The following THOC5 variants were observed in gnomAD, a reference collection of about 807,000 sequenced individuals.
THOC5 encodes THO complex subunit 5.
Under a neutral mutation model 92.9 loss-of-function variants are expected in THOC5, and 43 were observed. The observed-to-expected ratio is 0.46, with a 90% CI of 0.36 to 0.60. The LOEUF (loss-of-function observed/expected upper bound fraction) is 0.60. Among genes scored for constraint, THOC5 ranks in the 20% least tolerant of loss-of-function variants. The pLI is 0.00. For missense variants in THOC5, 659 were observed against 849.4 expected, an observed-to-expected ratio of 0.78 and a Z score of 2.79; for synonymous variants, 296 against 320.1, an observed-to-expected ratio of 0.92 and a Z score of 0.80.
intron 8 of THOC5, chr22:29,531,232 G>C (rs1215365403): frequency 9.7e-7 from 1 of 1,028,254 alleles, no homozygotes; most frequent in Non-Finnish European, 1.2e-6. Flanking sequence ...CACTGGTGCG[G>C]TGTATGTCTG....
At chr22:29,513,718 C>G (rs2063274197) in intron 17 of THOC5, among the ~76,000 whole-genome samples, 1 of 151,310 alleles carries the variant, frequency 6.6e-6, no homozygotes, top group Non-Finnish European at 1.5e-5. Flanking sequence ...TGCTTTCTGG[C>G]CAGGCGTCGT....
In THOC5 at chr22:29,529,376, C is replaced by T. The variant is rs1243250819; in HGVS notation, c.848-137G>A. ...GACTAAGGGTGGAAGGGCAAAAGTC[C>T]TTGCTCCAGATGAAGGGAAACAAGG... On this transcript the variant is annotated intron_variant, in intron 8 of 19. Transcript: ENST00000490103. 25 of 829,396 alleles carry T rather than the reference C, an allele frequency of 3.0e-5. No homozygotes were observed. The East Asian group carries it at 5.0e-4, about 17-fold the overall frequency. 51.4% of individuals were successfully genotyped at this position (829,396 alleles called of 1,614,324 possible).
chr22:29,533,648 G>GA (rs2063698699), intron 7 of THOC5, among the ~76,000 whole-genome samples: 1 of 152,110 alleles, frequency 6.6e-6, no homozygotes, highest in Non-Finnish European at 1.5e-5. Flanking sequence ...GAAGACCTGG[G>GA]AAAAAACTCA....
rs530151779 is a variant in THOC5, at chr22:29,544,355, T to C, written c.240+105A>G. The C allele has an allele frequency of 6.3e-6, 8 of 1,272,050 alleles. No individual in the cohort carries two copies. In the East Asian group the frequency reaches 2.1e-4, roughly 33 times the overall value. 78.8% of individuals were successfully genotyped at this position (1,272,050 alleles called of 1,614,324 possible). A position where few individuals can be genotyped will look rare whatever the true frequency, so the allele number is the denominator to read the frequency against. Reference sequence around the variant, plus strand: ...CCCTCAGGCTCCAATCACCTGATCATGGCTAGGACAGAAGATCAAGATCAG... The same window carrying C: ...CCCTCAGGCTCCAATCACCTGATCACGGCTAGGACAGAAGATCAAGATCAG... On this transcript the variant is annotated intron_variant, in intron 3 of 19. Transcript: ENST00000490103.
intron 8 of THOC5, among the ~76,000 whole-genome samples, chr22:29,530,450 G>A (rs1236150087): frequency 1.3e-5 from 2 of 151,770 alleles, no homozygotes; most frequent in African/African-American, 4.8e-5. Flanking sequence ...AACCTGGGAA[G>A]CAGAGGTTGC....
At chr22:29,549,782 C>T (rs2064104633) in intron 1 of THOC5, among the ~76,000 whole-genome samples, 1 of 152,092 alleles carries the variant, frequency 6.6e-6, no homozygotes, top group African/African-American at 2.4e-5. Flanking sequence ...AACCTCTGCT[C>T]CTAGCTGCAA....
intron 2 of THOC5, among the ~76,000 whole-genome samples, chr22:29,546,484 C>T (rs1029005334): frequency 1.3e-5 from 2 of 151,992 alleles, no homozygotes; most frequent in African/African-American, 4.8e-5. Context: ...GGCTGGAGTG[C>T]AGTGGCATGA....
chr22:29,544,826 A>T (rs1255996321), intron 2 of THOC5, among the ~76,000 whole-genome samples: 1 of 152,214 alleles, frequency 6.6e-6, no homozygotes, highest in Non-Finnish European at 1.5e-5. Flanking sequence ...GGTATCAAAG[A>T]TTCAGAATAT....
In THOC5 at chr22:29,519,010, G is replaced by C. The variant is rs777816229; in HGVS notation, c.1485C>G (p.Ser495=). 6.3e-7 allele frequency: 1 copy of C among 1,596,478 alleles called. No homozygotes were observed. Among genetic ancestry groups the C allele is most frequent in the Non-Finnish European group, 8.5e-7 (1 of 1,169,676 alleles). ...SRLALHKQFA[S]LEHGIVPVTS... ...ACTGCCCCATCATCAGCTTACCTAG[G>C]GATGCAAACTGTTTGTGGAGGGCCA... The change falls in exon 15 of 20, where the codon TCC becomes TCG. Residue 495 remains serine (S), a synonymous_variant. Coordinates refer to ENST00000490103, the MANE Select transcript of THOC5 (RefSeq NM_003678.5).
chr22:29,548,685 C>G (rs2064078647), intron 2 of THOC5, among the ~76,000 whole-genome samples: 1 of 152,122 alleles, frequency 6.6e-6, no homozygotes, highest in Admixed American at 6.6e-5. Flanking sequence ...GTTCTGTGGG[C>G]ACATGGTTCT....
At chr22:29,531,713 C>T (rs1349887416) in intron 8 of THOC5, 118 bp downstream of exon 8, 2 of 1,491,850 alleles carry the variant, frequency 1.3e-6, no homozygotes, top group South Asian at 1.4e-5. Flanking sequence ...GCTTCTGTCA[C>T]CTGAGGGCTT....
At chr22:29,543,627 C>T in intron 3 of THOC5, 85 bp from the exon 4 acceptor site, 3 of 981,354 alleles carry the variant, frequency 3.1e-6, no homozygotes, top group Non-Finnish European at 4.6e-6. Context: ...CCATCCTCAT[C>T]TGGGGCCAAA....
rs1463385141 is a variant in THOC5 at position 29,516,145 on chromosome 22, C to T, written c.1681+884G>A. ...GCGACAAAGCAAGACCTTATCTCTA[C>T]TGAAAAAAAAAAAAAAAAGGGTGTA... On this transcript the variant is annotated intron_variant, in intron 17 of 19. Coordinates refer to ENST00000490103, the MANE Select transcript of THOC5 (RefSeq NM_003678.5). 7.4e-5 allele frequency among the ~76,000 whole-genome samples: 7 copies of T among 94,454 alleles called. No homozygotes were observed. In the East Asian group the frequency reaches 2.9e-3, roughly 39 times the overall value. 62.0% of individuals were successfully genotyped at this position (94,454 alleles called of 152,430 possible).
In THOC5 at chr22:29,508,018, C is replaced by T. The variant is rs143322354; in HGVS notation, c.*439G>A. ...ACCCTGACAGGACTAATGGGAAGAGCGGGTGGGGAGGGAAGAGTTTTGCTT... is the reference window on the plus strand; with the variant it reads ...ACCCTGACAGGACTAATGGGAAGAGTGGGTGGGGAGGGAAGAGTTTTGCTT... On this transcript the variant is annotated 3_prime_UTR_variant, in exon 20 of 20. Coordinates refer to ENST00000490103, the MANE Select transcript of THOC5 (RefSeq NM_003678.5). 3.2e-4 allele frequency: 53 copies of T among 167,590 alleles called. No individual in the cohort carries two copies. Among genetic ancestry groups the T allele is most frequent in the Non-Finnish European group, 5.5e-4 (43 of 77,650 alleles). 10.4% of individuals were successfully genotyped at this position (167,590 alleles called of 1,614,324 possible).
chr22:29,514,712 A>G (rs558331017), intron 17 of THOC5, among the ~76,000 whole-genome samples: 1 of 145,656 alleles, frequency 6.9e-6, no homozygotes, highest in Admixed American at 6.9e-5. Flanking sequence ...ATATATATAT[A>G]TATATTTTTT....
At chr22:29,543,180 C>T (rs1194116487) in intron 4 of THOC5, among the ~76,000 whole-genome samples, 1 of 151,766 alleles carries the variant, frequency 6.6e-6, no homozygotes, top group Non-Finnish European at 1.5e-5. Flanking sequence ...CCCATCTCTA[C>T]TAAAAAATAC....
At chr22:29,553,260 A>C (rs2064215081) in intron 1 of THOC5, among the ~76,000 whole-genome samples, 3 of 152,296 alleles carry the variant, frequency 2.0e-5, no homozygotes, top group Admixed American at 6.5e-5. Context: ...CAAACAAACA[A>C]ATTTTTAATA....
At chr22:29,544,364 C>A in intron 3 of THOC5, 96 bp downstream of exon 3, 1 of 1,357,974 alleles carries the variant, frequency 7.4e-7, no homozygotes, top group Non-Finnish European at 1.0e-6. Flanking sequence ...ATGGCTAGGA[C>A]AGAAGATCAA....
chr22:29,508,628 C>T (rs2063165070), intron 19 of THOC5, 108 bp from the exon 20 acceptor site: 3 of 989,814 alleles, frequency 3.0e-6, no homozygotes, highest in South Asian at 2.8e-5. Context: ...TTACATGACA[C>T]AGAATGTTGT....
Sources: allele counts gnomAD v4.1 joint callset (sites outside exome capture counted in the v4.1 genomes callset), GRCh38; gene constraint gnomAD v4.1.1; transcripts MANE v1.5; gene names NCBI Gene and HGNC (gene_info 2026-07-23, HGNC 2026-07-21).